CUX1: variants seen among roughly 807,000 people sequenced by gnomAD.
CUX1 encodes the protein cut like homeobox 1, also known as protein CASP.
A neutral mutation model predicts 158.8 loss-of-function variants in CUX1; 31 were observed. The ratio of observed to expected loss-of-function variants is 0.20; its 90% confidence interval spans 0.15 to 0.26. The LOEUF (loss-of-function observed/expected upper bound fraction) is 0.26, where lower values mean the gene tolerates loss of function less well. Ranked by LOEUF, CUX1 falls within the 10% of genes least tolerant of loss-of-function variation. The pLI is 1.00. For synonymous variants in CUX1, 879 were observed against 862.1 expected (o/e 1.02, Z -0.34); for missense variants, 1,589 against 2,014.6 (o/e 0.79, Z 4.04).
At chr7:102,200,648 G>C (rs1269470121) in intron 17 of CUX1, among the ~76,000 whole-genome samples, 1 of 151,856 alleles carries the variant, frequency 6.6e-6, no homozygotes, top group Non-Finnish European at 1.5e-5. Context: ...GCCCCTAGTT[G>C]TAATTATTCA....
chr7:102,121,764 A>C (rs1832072447), intron 8 of CUX1, among the ~76,000 whole-genome samples: 1 of 152,170 alleles, frequency 6.6e-6, no homozygotes, highest in Admixed American at 6.5e-5. Context: ...ATGAGGAAGC[A>C]GTCCCAGGAA....
At chr7:102,194,194 C>A (rs1554517699) in intron 13 of CUX1, 1 of 371,194 alleles carries the variant, frequency 2.7e-6, no homozygotes, top group Non-Finnish European at 4.9e-6. Flanking sequence ...TTATCTTTAA[C>A]AAAAAGAGGC....
intron 1 of CUX1, among the ~76,000 whole-genome samples, chr7:101,909,743 G>C (rs114635484): frequency 8.0e-4 from 122 of 152,300 alleles, no homozygotes; most frequent in African/African-American, 2.8e-3. Context: ...GCCAGCCCAA[G>C]TATGTTTTTC....
At position 102,197,038 on chromosome 7, in the gene CUX1, G is replaced by A; in HGVS notation, c.1627G>A (p.Gly543Arg). The part of the protein sequence containing the change: ...APSPSQSESA[G>R]SVSEGEEMDT... The stretch of plus-strand genomic sequence containing the variant: ...ATCCCCCAGCCAGTCAGAAAGTGCT[G>A]GGAGCGTCTCCGAGGGCGAGGAGAT... Residue 543 changes from glycine (G) to arginine (R), a missense_variant, in exon 15 of 24, where the codon GGG becomes AGG. Gly to Arg is a moderately radical substitution (Grantham distance 125). Around this residue, in one of 8 missense-constraint regions of CUX1, gnomAD observed 515 missense variants for 574.4 expected, o/e 0.90. Coordinates refer to ENST00000292535, the MANE Select transcript of CUX1 (RefSeq NM_181552.4). 6.2e-7 allele frequency: 1 copy of A among 1,614,230 alleles called. No homozygotes were observed.
Position 102,206,994 on chromosome 7 carries a change from G to A in CUX1, c.3130+1824G>A, listed in dbSNP as rs183217960. ...ATGCCAGAAGCAACTTCTATGTGAC[G>A]GAACAAATCCTTGAAGAATGACGTT... On this transcript the variant is annotated intron_variant, in intron 20 of 23. Transcript: ENST00000292535. 2.5e-4 allele frequency among the ~76,000 whole-genome samples: 38 copies of A among 152,272 alleles called. No individual in the cohort carries two copies. In the East Asian group the frequency reaches 5.8e-3, roughly 23 times the overall value.
chr7:102,220,432 C>A lies in CUX1; in HGVS notation c.3131-6935C>A, dbSNP rs910302222. On this transcript the variant is annotated intron_variant, in intron 20 of 23. Transcript: ENST00000292535. ...TTGATGCTGAGAAACTCACTCCAGG[C>A]GTAAACCACCAGGGGGTGTGGTCTG... 2.0e-5 allele frequency among the ~76,000 whole-genome samples: 3 copies of A among 152,204 alleles called. No individual in the cohort carries two copies. In the South Asian group the frequency reaches 6.2e-4, roughly 32 times the overall value.
chr7:102,170,554 G>T lies in CUX1; in HGVS notation c.828+4G>T. On this transcript the variant is annotated splice_donor_region_variant and intron_variant, in intron 10 of 23. Transcript: ENST00000292535. ...GATCCAGAAGGCACCAGACGTGGTG[G>T]GTAGCCCCGGCCCCGTGGGGGACTG... The T allele has an allele frequency of 1.3e-6, 2 of 1,569,198 alleles. No individual in the cohort carries two copies. The highest frequency in any genetic ancestry group is 2.7e-5 in the African/African-American group (2 of 73,704).
chr7:101,907,463 C>G (rs747533040), intron 1 of CUX1, among the ~76,000 whole-genome samples: 28 of 152,190 alleles, frequency 1.8e-4, no homozygotes, highest in Non-Finnish European at 4.4e-5. Flanking sequence ...ATTCTCATGT[C>G]TCAGCCTCCC....
intron 21 of CUX1, among the ~76,000 whole-genome samples, chr7:102,230,199 TG>T (rs1191703909): frequency 2.0e-5 from 3 of 152,000 alleles, no homozygotes; most frequent in African/African-American, 7.3e-5. Context: ...GTGGCTCACT[TG>T]AGAATGACAG....
chr7:102,248,472 G>A lies in CUX1; in HGVS notation c.3948G>A (p.Ala1316=), dbSNP rs782769628. Residue 1316 remains alanine, a synonymous_variant, in exon 24 of 24, where the codon GCG becomes GCA. Coordinates refer to ENST00000292535, the MANE Select transcript of CUX1 (RefSeq NM_181552.4). This position sits in a 1 kb window ranked among gnomAD's most constrained non-coding sequence, Gnocchi z 5.8. The part of the protein sequence containing the change: ...EEIQAGSQGQ[A]GASDSPSARS... ...TTCAGGCCGGGAGTCAGGGCCAGGC[G>A]GGCGCCAGCGACTCACCCTCGGCCC... The A allele has an allele frequency of 1.3e-6, 2 of 1,594,022 alleles. No homozygotes were observed. Among genetic ancestry groups the A allele is most frequent in the East Asian group, 2.3e-5 (1 of 44,066 alleles).
chr7:101,877,914 G>A (rs1799326462), intron 1 of CUX1, among the ~76,000 whole-genome samples: 1 of 152,084 alleles, frequency 6.6e-6, no homozygotes, highest in Non-Finnish European at 1.5e-5. Flanking sequence ...TGCGTACACC[G>A]TTTGACACAG....
chr7:102,049,042 T>C (rs1823171438), intron 3 of CUX1, among the ~76,000 whole-genome samples: 1 of 151,560 alleles, frequency 6.6e-6, no homozygotes, highest in Non-Finnish European at 1.5e-5. Context: ...CGCTGGGGGA[T>C]GGAATAGGCC....
At chr7:102,168,640 T>C (rs1791318124) in intron 9 of CUX1, among the ~76,000 whole-genome samples, 1 of 97,758 alleles carries the variant, frequency 1.0e-5, no homozygotes, top group African/African-American at 5.2e-5. Context: ...CGAGGCTCTG[T>C]CTCAAAAAAA....
In CUX1 at chr7:102,201,684, C is replaced by G; in HGVS notation, c.2387C>G (p.Pro796Arg). The G allele has an allele frequency of 6.2e-7, 1 of 1,612,798 alleles. No individual in the cohort carries two copies. Residue 796 changes from proline (P) to arginine (R), a missense_variant, in exon 18 of 24, where the codon CCC becomes CGC. Pro to Arg is a moderately radical substitution (Grantham distance 103). Transcript: ENST00000292535. This position sits in a 1 kb window ranked among gnomAD's most constrained non-coding sequence, Gnocchi z 5.0. ...GCCCAGGACGCCCCCGGGCTGGACC[C>G]CCAGGGAGCAGCCGATTGTGCACAA... ...KEAQDAPGLD[P>R]QGAADCAQGV... is the part of the protein sequence containing the mutation.
At position 102,201,423 on chromosome 7, in the gene CUX1, T is replaced by C. The variant is rs782474119; in HGVS notation, c.2126T>C (p.Ile709Thr). The C allele has an allele frequency of 2.9e-5, 47 of 1,613,998 alleles. No homozygotes were observed. The highest frequency in any genetic ancestry group is 3.9e-5 in the Non-Finnish European group (46 of 1,180,012). Residue 709 changes from isoleucine (I) to threonine (T), a missense_variant, in exon 18 of 24, where the codon ATC (isoleucine) becomes ACC (threonine). Transcript: ENST00000292535. The surrounding 1 kb of genome is among the most constrained non-coding windows in gnomAD (Gnocchi z 5.0). ...AACTCTGATGACGCCATCCGCTCCA[T>C]CCTGCAGCAAGCCCGCCGGGAGATG... ...SGNSDDAIRS[I>T]LQQARREMEA...
chr7:102,127,741 A>G (rs1362876469), intron 8 of CUX1, among the ~76,000 whole-genome samples: 2 of 152,138 alleles, frequency 1.3e-5, no homozygotes, highest in African/African-American at 4.8e-5. Context: ...CACTGCTTTC[A>G]TTGCCCTTTG....
chr7:101,863,565 T>C (rs1330741287), intron 1 of CUX1, among the ~76,000 whole-genome samples: 2 of 152,138 alleles, frequency 1.3e-5, no homozygotes, highest in African/African-American at 4.8e-5. Flanking sequence ...TGGCCAGGCT[T>C]GTCTCAAACT....
chr7:101,860,785 C>CTT (rs71119786), intron 1 of CUX1, among the ~76,000 whole-genome samples: 6 of 137,010 alleles, frequency 4.4e-5, no homozygotes, highest in Admixed American at 8.5e-5. Flanking sequence ...TCCTTCCTTC[C>CTT]CTCCTTCCCC....
chr7:102,074,607 C>T (rs1292287773), intron 4 of CUX1, among the ~76,000 whole-genome samples: 1 of 152,176 alleles, frequency 6.6e-6, no homozygotes, highest in African/African-American at 2.4e-5. Flanking sequence ...AGTCAATGGA[C>T]CCAAATTCCC....
Sources: allele counts gnomAD v4.1 joint callset (sites outside exome capture counted in the v4.1 genomes callset), GRCh38; gene constraint gnomAD v4.1.1; regional missense constraint gnomAD v4.1.1; non-coding constraint Gnocchi (gnomAD v3.1); transcripts MANE v1.5; gene names NCBI Gene and HGNC (gene_info 2026-07-23, HGNC 2026-07-21).